The following SPAG16 variants were observed in gnomAD, a reference collection of about 807,000 sequenced individuals.
SPAG16 encodes the protein sperm associated antigen 16.
In SPAG16, 86 loss-of-function variants were observed where a neutral mutation model predicts 80.4. The observed-to-expected ratio is 1.07, with a 90% CI of 0.90 to 1.28. SPAG16 has a LOEUF of 1.28. SPAG16 is among the 50% of genes most tolerant of loss of function. The probability of loss-of-function intolerance (pLI) is 0.00; values close to 1 mark genes in which losing one functional copy is unlikely to be tolerated. For synonymous variants in SPAG16, 294 were observed against 265.9 expected (o/e 1.11, Z -1.03); for missense variants, 870 against 765.3 (o/e 1.14, Z -1.61).
intron 13 of SPAG16, among the ~76,000 whole-genome samples, chr2:214,062,667 C>CTTTTTTT (rs36069141): frequency 8.1e-6 from 1 of 122,784 alleles, no homozygotes; most frequent in African/African-American, 3.1e-5. Flanking sequence ...ATAGCCTCCT[C>CTTTTTTT]TTTTTTTTTT....
chr2:214,078,911 C>G (rs2051220613), intron 13 of SPAG16, among the ~76,000 whole-genome samples: 1 of 152,078 alleles, frequency 6.6e-6, no homozygotes, highest in African/African-American at 2.4e-5. Flanking sequence ...GTTTAATTCA[C>G]TAAGGTAAAG....
intron 9 of SPAG16, among the ~76,000 whole-genome samples, chr2:213,428,197 G>T (rs1011824163): frequency 2.0e-5 from 3 of 152,162 alleles, no homozygotes; most frequent in Non-Finnish European, 1.5e-5. Flanking sequence ...CCTGTGTGGT[G>T]GTGTCTGACT....
chr2:213,765,852 A>G (rs565905540), intron 10 of SPAG16, among the ~76,000 whole-genome samples: 2 of 152,332 alleles, frequency 1.3e-5, no homozygotes, highest in East Asian at 3.9e-4. Context: ...TTTAGGAGAT[A>G]GAACAAACTT....
intron 15 of SPAG16, among the ~76,000 whole-genome samples, chr2:214,258,808 T>C (rs1464528434): frequency 6.6e-6 from 1 of 152,038 alleles, no homozygotes; most frequent in Admixed American, 6.6e-5. Flanking sequence ...CTTCAGTTAG[T>C]TATCACCACT....
chr2:213,510,616 T>C (rs909388009), intron 10 of SPAG16, among the ~76,000 whole-genome samples: 5 of 152,128 alleles, frequency 3.3e-5, no homozygotes, highest in Non-Finnish European at 7.4e-5. Flanking sequence ...GGACCAGCAA[T>C]GTGGGTTTTC....
At chr2:214,368,811 A>G (rs1284427809) in intron 15 of SPAG16, among the ~76,000 whole-genome samples, 1 of 152,116 alleles carries the variant, frequency 6.6e-6, no homozygotes, top group African/African-American at 2.4e-5. Flanking sequence ...GACCTTTGTA[A>G]TTAGCTGAAA....
chr2:213,393,182 A>G (rs1017831611), intron 9 of SPAG16, among the ~76,000 whole-genome samples: 3 of 151,874 alleles, frequency 2.0e-5, no homozygotes, highest in Non-Finnish European at 2.9e-5. Flanking sequence ...TTGAAAATGC[A>G]TAACTGAGAC....
At chr2:213,601,875 T>C (rs1391052162) in intron 10 of SPAG16, among the ~76,000 whole-genome samples, 2 of 152,238 alleles carry the variant, frequency 1.3e-5, no homozygotes, top group African/African-American at 2.4e-5. Flanking sequence ...ACTAGTTTTG[T>C]GGAAGACAAT....
At chr2:213,500,797 A>C (rs1417017388) in intron 10 of SPAG16, among the ~76,000 whole-genome samples, 3 of 152,226 alleles carry the variant, frequency 2.0e-5, no homozygotes, top group Non-Finnish European at 4.4e-5. Flanking sequence ...TTCTTTTTGC[A>C]TATTTTCTTC....
chr2:213,488,338 T>C (rs2074085334), intron 9 of SPAG16, among the ~76,000 whole-genome samples: 1 of 152,176 alleles, frequency 6.6e-6, no homozygotes, highest in South Asian at 2.1e-4. Flanking sequence ...GGTACAGCTT[T>C]TCTAAAAAGC....
chr2:213,961,069 G>A (rs779490531), intron 12 of SPAG16, among the ~76,000 whole-genome samples: 17 of 152,240 alleles, frequency 1.1e-4, no homozygotes, highest in African/African-American at 1.7e-4. Flanking sequence ...GTTAAGAGCC[G>A]AAATTGACCA....
chr2:213,628,777 A>T (rs993525116), intron 10 of SPAG16, among the ~76,000 whole-genome samples: 1 of 152,190 alleles, frequency 6.6e-6, no homozygotes, highest in South Asian at 2.1e-4. Context: ...ATCAATGCCA[A>T]TTGTCAAAAT....
chr2:213,490,799 C>T (rs929559011), intron 10 of SPAG16, among the ~76,000 whole-genome samples: 6 of 151,950 alleles, frequency 3.9e-5, no homozygotes, highest in African/African-American at 1.4e-4. Context: ...GTCATAGAGT[C>T]CCAAATTTAT....
intron 10 of SPAG16, among the ~76,000 whole-genome samples, chr2:213,777,329 C>T (rs1038533161): frequency 7.1e-6 from 1 of 141,588 alleles, no homozygotes; most frequent in Admixed American, 7.8e-5. Context: ...TTACTGCAAC[C>T]TCCACCTCCC....
At chr2:213,576,233 A>G (rs1352941823) in intron 10 of SPAG16, among the ~76,000 whole-genome samples, 1 of 152,108 alleles carries the variant, frequency 6.6e-6, no homozygotes, top group Non-Finnish European at 1.5e-5. Flanking sequence ...AGATAGTTGT[A>G]GGTGTGTGGT....
intron 10 of SPAG16, among the ~76,000 whole-genome samples, chr2:213,654,700 G>C (rs1230075641): frequency 2.0e-5 from 3 of 150,350 alleles, no homozygotes; most frequent in African/African-American, 7.4e-5. Flanking sequence ...CTGGGTAACA[G>C]AGTGAGACTC....
At chr2:214,387,569 A>C (rs906051725) in intron 15 of SPAG16, among the ~76,000 whole-genome samples, 3 of 152,198 alleles carry the variant, frequency 2.0e-5, no homozygotes, top group African/African-American at 7.2e-5. Context: ...AATATTCAAA[A>C]GTGTGGTATA....
At chr2:214,172,205 A>T (rs2056893844) in intron 15 of SPAG16, among the ~76,000 whole-genome samples, 1 of 151,924 alleles carries the variant, frequency 6.6e-6, no homozygotes, top group Non-Finnish European at 1.5e-5. Flanking sequence ...TTAACTCGTC[A>T]TTTAGCATTA....
intron 7 of SPAG16, among the ~76,000 whole-genome samples, chr2:213,361,009 A>G (rs2065948495): frequency 6.6e-6 from 1 of 152,074 alleles, no homozygotes; most frequent in Admixed American, 6.6e-5. Flanking sequence ...CCTTAAACCT[A>G]TACCTTGCAT....
Sources: gnomAD v4.1 joint callset for allele counts (sites outside exome capture counted in the v4.1 genomes callset) on GRCh38, gnomAD v4.1.1 for gene constraint, MANE v1.5 for transcripts, NCBI Gene and HGNC (gene_info 2026-07-23, HGNC 2026-07-21) for gene names.